The following C2CD5 variants were observed in gnomAD, a reference collection of about 807,000 sequenced individuals.
C2CD5 encodes C2 calcium dependent domain containing 5.
A neutral mutation model predicts 130.3 loss-of-function variants in C2CD5; 109 were observed. That is an observed-to-expected ratio of 0.84 (90% confidence interval 0.72 to 0.98). C2CD5 has a LOEUF of 0.98. Among genes scored for constraint, C2CD5 ranks in the 50% least tolerant of loss-of-function variants. The pLI, the probability that C2CD5 is intolerant of heterozygous loss-of-function variation, is 0.00. For synonymous variants in C2CD5, 454 were observed against 429.2 expected, an observed-to-expected ratio of 1.06 and a Z score of -0.71; for missense variants, 996 against 1,261.8, an observed-to-expected ratio of 0.79 and a Z score of 3.19.
chr12:22,511,967 C>G (rs76252596), intron 9 of C2CD5, among the ~76,000 whole-genome samples: 2,151 of 152,334 alleles, frequency 0.014, 18 homozygotes, highest in Non-Finnish European at 0.023. Flanking sequence ...CACACACACA[C>G]AGCTTCACTC....
intron 10 of C2CD5, among the ~76,000 whole-genome samples, chr12:22,496,249 T>C (rs919488454): frequency 1.3e-4 from 20 of 152,084 alleles, no homozygotes; most frequent in Admixed American, 1.3e-3. Flanking sequence ...TTCAGAGATA[T>C]CACAGTATTT....
intron 12 of C2CD5, among the ~76,000 whole-genome samples, chr12:22,487,958 A>C (rs193273501): frequency 1.3e-5 from 2 of 151,566 alleles, no homozygotes; most frequent in Non-Finnish European, 2.9e-5. Context: ...AAGGACAAAA[A>C]ACCAAACACT....
intron 20 of C2CD5, 80 bp downstream of exon 20, chr12:22,471,319 C>T (rs193213249): frequency 1.3e-4 from 104 of 809,132 alleles, no homozygotes; most frequent in Admixed American, 8.5e-4. Flanking sequence ...TATTTAATTA[C>T]GGCAAAATTA....
Position 22,518,280 on chromosome 12 carries a change from C to T in C2CD5, c.801-143G>A, listed in dbSNP as rs1949953738. On this transcript the variant is annotated intron_variant, in intron 7 of 26. Transcript: ENST00000446597. ...GTGGAGCTGGGAATGAGGCCAAAGA[C>T]AACCAATTGCTGTTTAACCATTCAT... 8.2e-6 allele frequency: 6 copies of T among 732,810 alleles called. No homozygotes were observed. The Admixed American group carries it at 1.4e-4, about 17-fold the overall frequency. The allele number at this position is 732,810 out of a possible 1,614,324, so 45.4% of individuals were successfully genotyped here. A position where few individuals can be genotyped will look rare whatever the true frequency, so the allele number is the denominator to read the frequency against.
intron 23 of C2CD5, among the ~76,000 whole-genome samples, chr12:22,459,032 A>G (rs1940561429): frequency 6.6e-6 from 1 of 152,208 alleles, no homozygotes; most frequent in African/African-American, 2.4e-5. Context: ...TGAAGAATAT[A>G]TTTTTAAAAG....
rs1221888879 is a variant in C2CD5 at position 22,544,270 on chromosome 12, GCGGGGGCGCGCGCGGGCGCC to G, written c.-30+30_-30+49del. On this transcript the variant is annotated intron_variant, in intron 1 of 26. Transcript: ENST00000446597. The stretch of plus-strand genomic sequence containing the variant: ...GGGGTAACTGACAGCGAAGGAGCGC[GCGGGGGCGCGCGCGGGCGCC>G]CGGCAGTCGCGCCACGGGTCGCCAC... 7 of 870,160 alleles carry G rather than the reference GCGGGGGCGCGCGCGGGCGCC, an allele frequency of 8.0e-6. 1 individual carries two copies. In the Admixed American group the frequency reaches 1.5e-4, roughly 19 times the overall value. 53.9% of individuals were successfully genotyped at this position (870,160 alleles called of 1,614,324 possible). A position where few individuals can be genotyped will look rare whatever the true frequency, so the allele number is the denominator to read the frequency against.
At chr12:22,482,816 C>T (rs1944918260) in intron 13 of C2CD5, 73 bp from the exon 14 acceptor site, 2 of 1,063,452 alleles carry the variant, frequency 1.9e-6, no homozygotes, top group Admixed American at 2.0e-5. Context: ...TTAAAACTTG[C>T]TAAAAGTGTG....
chr12:22,458,619 C>A (rs552724948), intron 23 of C2CD5, 34 bp from the exon 24 acceptor site: 18 of 1,016,494 alleles, frequency 1.8e-5, no homozygotes, highest in Non-Finnish European at 2.3e-5. Flanking sequence ...AAGAAAAAAA[C>A]AAAGAAAAAA....
chr12:22,452,604 C>G (rs902846127), intron 26 of C2CD5, among the ~76,000 whole-genome samples: 1 of 152,246 alleles, frequency 6.6e-6, no homozygotes, highest in East Asian at 1.9e-4. Flanking sequence ...CAAAATTTAT[C>G]AGAAGGTTGT....
intron 22 of C2CD5, among the ~76,000 whole-genome samples, chr12:22,460,105 G>A (rs2136036020): frequency 6.6e-6 from 1 of 152,234 alleles, no homozygotes; most frequent in East Asian, 1.9e-4. Context: ...TAAAAAATGA[G>A]TGATCACAGA....
chr12:22,535,201 G>T, intron 3 of C2CD5, 57 bp downstream of exon 3: 1 of 902,426 alleles, frequency 1.1e-6, no homozygotes, highest in Non-Finnish European at 1.8e-6. Context: ...TTATTCCTGA[G>T]GGAAAAGAGT....
intron 11 of C2CD5, 58 bp from the exon 12 acceptor site, chr12:22,490,276 AT>A: frequency 8.9e-7 from 1 of 1,124,776 alleles, no homozygotes. Context: ...ACTTTGGGAA[AT>A]GCTAAATATC....
At chr12:22,530,027 T>G (rs780660603) in intron 3 of C2CD5, among the ~76,000 whole-genome samples, 78 of 145,332 alleles carry the variant, frequency 5.4e-4, no homozygotes, top group Admixed American at 1.6e-3. Flanking sequence ...CGACATTTCT[T>G]TCACATAAGA....
intron 7 of C2CD5, among the ~76,000 whole-genome samples, chr12:22,521,399 C>A (rs1013852493): frequency 6.6e-6 from 1 of 152,184 alleles, no homozygotes; most frequent in African/African-American, 2.4e-5. Flanking sequence ...TAATAGAACT[C>A]TTCCTGAATG....
intron 9 of C2CD5, 140 bp from the exon 10 acceptor site, chr12:22,506,959 AATT>A: frequency 5.2e-6 from 3 of 580,430 alleles, no homozygotes. Context: ...CATGCTTTGT[AATT>A]AAAAGTTTAA....
chr12:22,458,843 T>C (rs561055532), intron 23 of C2CD5: 2 of 264,918 alleles, frequency 7.5e-6, no homozygotes, highest in Non-Finnish European at 1.4e-5. Context: ...AGAGCCTGAG[T>C]GGGGTCTAAC....
chr12:22,505,446 C>T (rs1948405461), intron 10 of C2CD5, among the ~76,000 whole-genome samples: 1 of 151,908 alleles, frequency 6.6e-6, no homozygotes, highest in African/African-American at 2.4e-5. Context: ...TAGTATTTTA[C>T]AGGCATGAGC....
chr12:22,450,001 T>G (rs1245032682), intron 26 of C2CD5, 110 bp from the exon 27 acceptor site: 1 of 816,806 alleles, frequency 1.2e-6, no homozygotes, highest in African/African-American at 1.7e-5. Context: ...TCTAAATCAT[T>G]AGGATAAAGA....
At chr12:22,493,679 C>T (rs1178269243) in intron 10 of C2CD5, among the ~76,000 whole-genome samples, 1 of 151,968 alleles carries the variant, frequency 6.6e-6, no homozygotes, top group East Asian at 1.9e-4. Context: ...GGATATTCTA[C>T]ATCTCACCTC....
Sources: allele counts gnomAD v4.1 joint callset (sites outside exome capture counted in the v4.1 genomes callset), GRCh38; gene constraint gnomAD v4.1.1; transcripts MANE v1.5; gene names NCBI Gene and HGNC (gene_info 2026-07-23, HGNC 2026-07-21).